The following SKA1 variants were observed in gnomAD, a reference collection of about 807,000 sequenced individuals.
The protein encoded by SKA1 is spindle and kinetochore associated complex subunit 1.
SKA1 carries 20 observed loss-of-function variants against 31.8 expected under a neutral mutation model. The ratio of observed to expected loss-of-function variants is 0.63; its 90% CI spans 0.44 to 0.91. SKA1 has a LOEUF of 0.91. Ranked by LOEUF, SKA1 falls within the 40% of genes least tolerant of loss-of-function variation. The probability of loss-of-function intolerance (pLI) is 0.00; values close to 1 mark genes in which losing one functional copy is unlikely to be tolerated. For missense variants in SKA1, 253 were observed against 298.2 expected (o/e 0.85, Z 1.12); for synonymous variants, 88 against 100.5 (o/e 0.88, Z 0.74).
At chr18:50,375,521 G>A (rs2041207208) in intron 1 of SKA1, among the ~76,000 whole-genome samples, 1 of 152,180 alleles carries the variant, frequency 6.6e-6, no homozygotes, top group African/African-American at 2.4e-5. Context: ...AAATACCAAT[G>A]TTGTCTTTAT....
chr18:50,388,345 C>T (rs372999218), intron 5 of SKA1, among the ~76,000 whole-genome samples: 1 of 152,206 alleles, frequency 6.6e-6, no homozygotes, highest in East Asian at 1.9e-4. Context: ...CCGCCTCAGC[C>T]TCCCAAAGTG....
intron 2 of SKA1, among the ~76,000 whole-genome samples, chr18:50,379,779 A>G (rs554742047): frequency 7.0e-4 from 44 of 62,546 alleles, no homozygotes; most frequent in Admixed American, 1.1e-3. Context: ...CCCTCTTCAT[A>G]TTGGAACCCC....
rs991280568 is a variant in SKA1 at position 50,394,040 on chromosome 18, C to T, written c.*1793C>T. ...TTTGATGTGCCAGGAAGGTGACGCACTCCAGCTTTATGAAGTCAGCAAGTC... is the reference window on the plus strand; with the variant it reads ...TTTGATGTGCCAGGAAGGTGACGCATTCCAGCTTTATGAAGTCAGCAAGTC... On this transcript the variant is annotated 3_prime_UTR_variant, in exon 7 of 7. Coordinates refer to ENST00000285116, the MANE Select transcript of SKA1 (RefSeq NM_145060.4). 1 of 152,232 alleles carries T rather than the reference C, an allele frequency of 6.6e-6. No homozygotes were observed. Among genetic ancestry groups the T allele is most frequent in the African/African-American group, 2.4e-5 (1 of 41,458 alleles). 9.4% of individuals were successfully genotyped at this position (152,232 alleles called of 1,614,324 possible).
chr18:50,391,366 G>A (rs1301915479), intron 6 of SKA1, 73 bp downstream of exon 6: 5 of 1,281,006 alleles, frequency 3.9e-6, no homozygotes, highest in East Asian at 5.6e-5. Flanking sequence ...AATGTAGCTA[G>A]TTCTAGAAAA....
intron 4 of SKA1, among the ~76,000 whole-genome samples, chr18:50,383,153 G>A (rs569843861): frequency 3.3e-5 from 5 of 151,982 alleles, no homozygotes; most frequent in African/African-American, 1.2e-4. Flanking sequence ...CTTTTTCCCC[G>A]AGGCCCTAAC....
At chr18:50,386,276 C>A (rs962488144) in intron 5 of SKA1, among the ~76,000 whole-genome samples, 35 of 152,240 alleles carry the variant, frequency 2.3e-4, no homozygotes, top group African/African-American at 7.9e-4. Context: ...ATCTTTTAGA[C>A]AAGGCTGTTT....
Position 50,392,352 on chromosome 18 carries a change from CTTTT to C in SKA1, c.*116_*119del, listed in dbSNP as rs375763517. 1.1e-4 allele frequency: 60 copies of C among 571,030 alleles called. No homozygotes were observed. The highest frequency in any genetic ancestry group is 5.6e-4 in the Middle Eastern group (1 of 1,794). The allele number at this position is 571,030 out of a possible 1,614,324, so 35.4% of individuals were successfully genotyped here. A position where few individuals can be genotyped will look rare whatever the true frequency, so the allele number is the denominator to read the frequency against. On this transcript the variant is annotated 3_prime_UTR_variant, in exon 7 of 7. Transcript: ENST00000285116. ...TTTAACTTTTAATCTTTTTTGTTTC[CTTTT>C]TTTTTTTTTTGAGACAGGATCTTGC... is the stretch of plus-strand genomic sequence containing the variant.
intron 4 of SKA1, 67 bp from the exon 5 acceptor site, chr18:50,385,149 G>C (rs1477581981): frequency 1.5e-6 from 2 of 1,314,628 alleles, no homozygotes; most frequent in East Asian, 5.0e-5. Context: ...TTTTCAGTTG[G>C]GAAAACTGTC....
chr18:50,380,078 C>G, intron 2 of SKA1, 48 bp from the exon 3 acceptor site: 1 of 1,434,946 alleles, frequency 7.0e-7, no homozygotes, highest in Admixed American at 2.9e-5. Context: ...CTTATAGCTA[C>G]TGCTTTTCTA....
Position 50,378,493 on chromosome 18 carries a change from T to C in SKA1, c.89-1633T>C, listed in dbSNP as rs897297313. On this transcript the variant is annotated intron_variant, in intron 2 of 6. Coordinates refer to ENST00000285116, the MANE Select transcript of SKA1 (RefSeq NM_145060.4). ...GGAGTTTGAGACCAGCCTAGTAACATAGTAAGACCCTGTCTCTACACAAAA... is the reference window on the plus strand; with the variant it reads ...GGAGTTTGAGACCAGCCTAGTAACACAGTAAGACCCTGTCTCTACACAAAA... Among the ~76,000 whole-genome samples the C allele has an allele frequency of 2.6e-5, 4 of 152,018 alleles. No individual in the cohort carries two copies. In the East Asian group the frequency reaches 7.7e-4, roughly 29 times the overall value.
chr18:50,385,382 C>A (rs1441934552), intron 5 of SKA1, 29 bp downstream of exon 5: 2 of 1,506,556 alleles, frequency 1.3e-6, no homozygotes, highest in Admixed American at 2.0e-5. Context: ...TAATGTTCAA[C>A]CCCTTAATAA....
chr18:50,391,532 A>G (rs1190756612), intron 6 of SKA1, among the ~76,000 whole-genome samples: 1 of 152,228 alleles, frequency 6.6e-6, no homozygotes, highest in East Asian at 1.9e-4. Flanking sequence ...GGCAGTGCAC[A>G]GGATAGCACC....
chr18:50,392,885 A>G lies in SKA1; in HGVS notation c.*638A>G, dbSNP rs1727009093. Reference sequence around the variant, plus strand: ...GCTGGGACTACAGGCACCTGCCACCACGCCCAGCTAATTTTTTGTATTTTT... The same window carrying G: ...GCTGGGACTACAGGCACCTGCCACCGCGCCCAGCTAATTTTTTGTATTTTT... On this transcript the variant is annotated 3_prime_UTR_variant, in exon 7 of 7. Coordinates refer to ENST00000285116, the MANE Select transcript of SKA1 (RefSeq NM_145060.4). 1.3e-5 allele frequency: 2 copies of G among 150,418 alleles called. No individual in the cohort carries two copies. The highest frequency in any genetic ancestry group is 3.5e-3 in the Middle Eastern group (1 of 286). 9.3% of individuals were successfully genotyped at this position (150,418 alleles called of 1,614,324 possible).
At chr18:50,389,375 C>CTTTTTTTTTTTTTTTTTTTTTTTTCTTT (rs2041337947) in intron 5 of SKA1, among the ~76,000 whole-genome samples, 1 of 86,136 alleles carries the variant, frequency 1.2e-5, no homozygotes, top group African/African-American at 5.0e-5. Flanking sequence ...CTTTACCTTT[C>CTTTTTTTTTTTTTTTTTTTTTTTTCTTT]TTTTTTTTTT....
At chr18:50,390,476 T>C (rs1368829051) in intron 5 of SKA1, among the ~76,000 whole-genome samples, 1 of 152,132 alleles carries the variant, frequency 6.6e-6, no homozygotes, top group Non-Finnish European at 1.5e-5. Context: ...AAGAGGGAGG[T>C]TGAAGAGTAG....
At chr18:50,383,328 T>TAC (rs2041277471) in intron 4 of SKA1, among the ~76,000 whole-genome samples, 1 of 152,234 alleles carries the variant, frequency 6.6e-6, no homozygotes, top group Non-Finnish European at 1.5e-5. Flanking sequence ...GCTTTCTTAG[T>TAC]TGTCAGCCCA....
intron 5 of SKA1, among the ~76,000 whole-genome samples, chr18:50,388,520 G>A (rs886369368): frequency 7.5e-6 from 1 of 134,012 alleles, no homozygotes; most frequent in African/African-American, 2.8e-5. Flanking sequence ...TGTTGTAGTG[G>A]TGGTAAGGTG....
In SKA1 at chr18:50,381,652, A is replaced by G. The variant is rs985016836; in HGVS notation, c.214-477A>G. Among the ~76,000 whole-genome samples the G allele has an allele frequency of 1.2e-4, 18 of 152,210 alleles. No individual in the cohort carries two copies. The East Asian group carries it at 3.5e-3, about 29-fold the overall frequency. On this transcript the variant is annotated intron_variant, in intron 3 of 6. Transcript: ENST00000285116. The stretch of plus-strand genomic sequence containing the variant: ...ACCACCATCCAAAAACAGCTCTAGA[A>G]ACCAATTTTTTATTGCTGGATTCAT...
In SKA1 at chr18:50,391,278, A is replaced by T; in HGVS notation, c.604A>T (p.Thr202Ser). 1 of 1,594,124 alleles carries T rather than the reference A, an allele frequency of 6.3e-7. No individual in the cohort carries two copies. The highest frequency in any genetic ancestry group is 8.5e-7 in the Non-Finnish European group (1 of 1,174,326). Reference protein sequence around the residue: ...NLYHRFIDEETKDTKGRYFIV... With the variant: ...NLYHRFIDEESKDTKGRYFIV... The stretch of plus-strand genomic sequence containing the variant: ...CTATCACAGATTTATTGATGAAGAA[A>T]CGAAGGATACCAAAGGTAAAATGGC... The change falls in exon 6 of 7, where the codon ACG becomes TCG. Residue 202 changes from threonine to serine, a missense_variant. By Grantham distance (58) the Thr-to-Ser change is moderately conservative (BLOSUM62 1). Coordinates refer to ENST00000285116, the MANE Select transcript of SKA1 (RefSeq NM_145060.4).
Sources: gnomAD v4.1 joint callset for allele counts (sites outside exome capture counted in the v4.1 genomes callset) on GRCh38, gnomAD v4.1.1 for gene constraint, MANE v1.5 for transcripts, NCBI Gene and HGNC (gene_info 2026-07-23, HGNC 2026-07-21) for gene names.